The following TCF7L2 variants were observed in gnomAD, a reference collection of about 807,000 sequenced individuals.
TCF7L2 encodes the protein transcription factor 7 like 2.
A neutral mutation model predicts 77.9 loss-of-function variants in TCF7L2; 23 were observed. The ratio of observed to expected loss-of-function variants is 0.30; its 90% CI spans 0.21 to 0.42. The LOEUF (loss-of-function observed/expected upper bound fraction) is 0.42. Ranked by LOEUF, TCF7L2 falls within the 10% of genes least tolerant of loss-of-function variation. The pLI is 1.00. For synonymous variants in TCF7L2, 413 were observed against 340.2 expected, an observed-to-expected ratio of 1.21 and a Z score of -2.36; for missense variants, 654 against 793.1, an observed-to-expected ratio of 0.82 and a Z score of 2.11.
chr10:113,022,632 A>G (rs1418531112), intron 4 of TCF7L2, among the ~76,000 whole-genome samples: 1 of 152,186 alleles, frequency 6.6e-6, no homozygotes, highest in African/African-American at 2.4e-5. Context: ...AAATCTTGCA[A>G]CATCTCAAGG....
rs549624560 is a variant in TCF7L2 at position 113,067,546 on chromosome 10, G to GTGAA, written c.552+27422_552+27425dup. Among the ~76,000 whole-genome samples, 131 of 152,338 alleles carry GTGAA rather than the reference G, an allele frequency of 8.6e-4. 4 individuals are homozygous for GTGAA. The South Asian group carries it at 0.027, about 31-fold the overall frequency. The stretch of plus-strand genomic sequence containing the variant: ...TCTCTTGCAAAGTTTCTGAGAAGCA[G>GTGAA]TGAATCTTTCTGTTAGATTTCATAA... On this transcript the variant is annotated intron_variant, in intron 5 of 13. Coordinates refer to ENST00000627217, the MANE Select transcript of TCF7L2 (RefSeq NM_001146274.2).
At chr10:113,143,706 GT>G (rs1341523356) in intron 6 of TCF7L2, among the ~76,000 whole-genome samples, 2 of 152,186 alleles carry the variant, frequency 1.3e-5, no homozygotes, top group Non-Finnish European at 1.5e-5. Context: ...CAGTATACCA[GT>G]CCATTTAGAA....
chr10:113,133,513 G>A (rs1243546791), intron 5 of TCF7L2, among the ~76,000 whole-genome samples: 1 of 152,132 alleles, frequency 6.6e-6, no homozygotes, highest in Admixed American at 6.6e-5. Flanking sequence ...TACCAGCTGG[G>A]TGGTTATAGT....
At chr10:113,161,143 T>G (rs916539788) in intron 13 of TCF7L2, 2 of 231,920 alleles carry the variant, frequency 8.6e-6, no homozygotes, top group Admixed American at 1.1e-4. Flanking sequence ...GGTAGGCTTC[T>G]TCTTTCCCTT....
chr10:113,140,813 G>T (rs1564950676), intron 5 of TCF7L2, among the ~76,000 whole-genome samples: 1 of 152,134 alleles, frequency 6.6e-6, no homozygotes, highest in Non-Finnish European at 1.5e-5. Flanking sequence ...TGGGGCCTTG[G>T]GGTAGGAGGT....
intron 12 of TCF7L2, chr10:113,158,709 C>T (rs754749076): frequency 3.1e-6 from 5 of 1,613,644 alleles, no homozygotes; most frequent in Non-Finnish European, 4.2e-6. Context: ...TCACTTCCTC[C>T]GATTACAGGT....
chr10:113,022,214 C>T (rs1355501822), intron 4 of TCF7L2, among the ~76,000 whole-genome samples: 1 of 152,212 alleles, frequency 6.6e-6, no homozygotes, highest in Non-Finnish European at 1.5e-5. Flanking sequence ...AGGTTTCACC[C>T]AAATGCATTG....
chr10:113,138,334 T>C (rs3814573), intron 5 of TCF7L2, among the ~76,000 whole-genome samples: 104,223 of 148,286 alleles, frequency 0.7, 37,361 homozygotes, highest in African/African-American at 0.87. Context: ...AAAATAATAC[T>C]GGGAGAGGTG....
intron 4 of TCF7L2, among the ~76,000 whole-genome samples, chr10:113,013,012 G>C (rs1293389891): frequency 6.6e-6 from 1 of 151,978 alleles, no homozygotes; most frequent in East Asian, 1.9e-4. Context: ...ACTGAGGTTT[G>C]CAGTGGGAGA....
At chr10:113,157,445 A>T (rs541393150) in intron 11 of TCF7L2, among the ~76,000 whole-genome samples, 1 of 152,350 alleles carries the variant, frequency 6.6e-6, no homozygotes, top group African/African-American at 2.4e-5. Flanking sequence ...AGGAGCCCAG[A>T]TGATTCCTCG....
At chr10:112,999,198 T>C (rs2044035494) in intron 4 of TCF7L2, among the ~76,000 whole-genome samples, 1 of 152,172 alleles carries the variant, frequency 6.6e-6, no homozygotes, top group Non-Finnish European at 1.5e-5. Flanking sequence ...GATACTTTGC[T>C]GCAGGGAAGC....
At chr10:113,015,390 G>A (rs2047157484) in intron 4 of TCF7L2, among the ~76,000 whole-genome samples, 1 of 151,426 alleles carries the variant, frequency 6.6e-6, no homozygotes, top group Non-Finnish European at 1.5e-5. Flanking sequence ...GGCCCTGGCA[G>A]CTCCCTGCCT....
intron 11 of TCF7L2, among the ~76,000 whole-genome samples, chr10:113,153,819 C>T (rs1204174655): frequency 6.6e-6 from 1 of 152,234 alleles, no homozygotes; most frequent in Non-Finnish European, 1.5e-5. Flanking sequence ...ATCTGCCGGC[C>T]TATGTGATCC....
In TCF7L2 at chr10:113,082,131, ATT is replaced by A. The variant is rs10583826; in HGVS notation, c.552+42020_552+42021del. ...GGGATTATAGGTGTGAGCCACTACC[ATT>A]TTTTTTTTTTTTTTGCGTGCCTTGG... On this transcript the variant is annotated intron_variant, in intron 5 of 13. Transcript: ENST00000627217. 4.2e-3 allele frequency among the ~76,000 whole-genome samples: 563 copies of A among 135,396 alleles called. 3 individuals carry two copies. Among genetic ancestry groups the A allele is most frequent in the African/African-American group, 9.5e-3 (351 of 37,116 alleles). 88.8% of individuals were successfully genotyped at this position (135,396 alleles called of 152,430 possible).
At chr10:112,989,429 A>G (rs2042132604) in intron 4 of TCF7L2, among the ~76,000 whole-genome samples, 1 of 152,012 alleles carries the variant, frequency 6.6e-6, no homozygotes, top group South Asian at 2.1e-4. Context: ...TCTATGTCCT[A>G]GAAACTGTCT....
intron 5 of TCF7L2, among the ~76,000 whole-genome samples, chr10:113,069,572 C>A (rs1266871170): frequency 6.6e-6 from 1 of 152,048 alleles, no homozygotes; most frequent in South Asian, 2.1e-4. Context: ...TTGCCTAACC[C>A]GTCCAGGAGG....
intron 13 of TCF7L2, chr10:113,160,716 G>A (rs1286911023): frequency 6.4e-7 from 1 of 1,569,214 alleles, no homozygotes; most frequent in African/African-American, 1.4e-5. Context: ...CGAGGCCTTT[G>A]GGAAAATCAA....
chr10:113,071,626 G>A (rs1313560049), intron 5 of TCF7L2, among the ~76,000 whole-genome samples: 2 of 152,224 alleles, frequency 1.3e-5, no homozygotes, highest in African/African-American at 4.8e-5. Context: ...TGTTATCAGT[G>A]TTGGGACTGG....
intron 4 of TCF7L2, among the ~76,000 whole-genome samples, chr10:113,011,223 C>A (rs1261774340): frequency 6.6e-6 from 1 of 152,140 alleles, no homozygotes; most frequent in African/African-American, 2.4e-5. Context: ...CATTTTCTTA[C>A]ACAGAGCTTA....
Sources: gnomAD v4.1 joint callset for allele counts (sites outside exome capture counted in the v4.1 genomes callset) on GRCh38, gnomAD v4.1.1 for gene constraint, MANE v1.5 for transcripts, NCBI Gene and HGNC (gene_info 2026-07-23, HGNC 2026-07-21) for gene names.